EIF3H: variants seen among roughly 807,000 people sequenced by gnomAD.
EIF3H encodes the protein eIF-3-gamma.
In EIF3H, 26 loss-of-function variants were observed where a neutral mutation model predicts 44.2. The ratio of observed to expected loss-of-function variants is 0.59; its 90% confidence interval spans 0.43 to 0.82. The LOEUF is 0.82. EIF3H is among the 40% of genes least tolerant of loss of function. EIF3H has a pLI of 0.00. For synonymous variants in EIF3H, 166 were observed against 151.9 expected, an observed-to-expected ratio of 1.09 and a Z score of -0.68; for missense variants, 359 against 432.8, an observed-to-expected ratio of 0.83 and a Z score of 1.51.
chr8:116,721,193 T>G (rs907841264), intron 2 of EIF3H, among the ~76,000 whole-genome samples: 3 of 152,130 alleles, frequency 2.0e-5, no homozygotes, highest in African/African-American at 7.2e-5. Context: ...TCCTAGCCAC[T>G]CTAGCCATGG....
intron 2 of EIF3H, among the ~76,000 whole-genome samples, chr8:116,715,696 T>C (rs1165468360): frequency 6.6e-6 from 1 of 152,128 alleles, no homozygotes; most frequent in Non-Finnish European, 1.5e-5. Flanking sequence ...TTATTGAATC[T>C]GTGTTTAATT....
chr8:116,728,547 A>C (rs1219703923), intron 1 of EIF3H, among the ~76,000 whole-genome samples: 1 of 152,162 alleles, frequency 6.6e-6, no homozygotes, highest in Non-Finnish European at 1.5e-5. Flanking sequence ...TAGACCCAAA[A>C]AGACTACACC....
upstream of EIF3H, chr8:116,755,883 G>A (rs1190293793): frequency 5.1e-6 from 8 of 1,579,894 alleles, no homozygotes; most frequent in Non-Finnish European, 6.8e-6. Flanking sequence ...GCAGGCCGGC[G>A]TTCGAGGGGC....
In EIF3H at chr8:116,755,789, G is replaced by T; in HGVS notation, c.9C>A (p.Ser3=). The change falls in exon 1 of 8, where the codon TCC becomes TCA. Residue 3 remains serine, a synonymous_variant. Coordinates refer to ENST00000521861, the MANE Select transcript of EIF3H (RefSeq NM_003756.3). MA[S]RKEGTGSTAT... is the part of the protein sequence containing the mutation. ...CAGTAGAGCCGGTACCTTCCTTGCG[G>T]GACGCCATCTTTCCAAGCAGACAGG... 6.2e-7 allele frequency: 1 copy of T among 1,613,650 alleles called. No homozygotes were observed. The highest frequency in any genetic ancestry group is 8.5e-7 in the Non-Finnish European group (1 of 1,180,024).
chr8:116,755,957 T>C, upstream of EIF3H: 1 of 1,536,506 alleles, frequency 6.5e-7, no homozygotes, highest in East Asian at 2.4e-5. Context: ...TTTACCTTCT[T>C]TCCAGGCGGT....
chr8:116,645,599 G>C (rs1015272468), intron 7 of EIF3H, among the ~76,000 whole-genome samples: 1 of 152,160 alleles, frequency 6.6e-6, no homozygotes, highest in Non-Finnish European at 1.5e-5. Flanking sequence ...TTGAAGAAAG[G>C]GCTCCATCAT....
At chr8:116,701,976 G>C (rs1438772325) in intron 2 of EIF3H, among the ~76,000 whole-genome samples, 1 of 152,042 alleles carries the variant, frequency 6.6e-6, no homozygotes, top group Non-Finnish European at 1.5e-5. Flanking sequence ...AATGGTCTTT[G>C]CAAGTTCTGT....
chr8:116,695,490 G>GT lies in EIF3H; in HGVS notation c.289+30525dup, dbSNP rs527373946. On this transcript the variant is annotated intron_variant, in intron 2 of 7. Transcript: ENST00000521861. ...CAGAGCAGTGTTGCAGCCCAACCAGGTAAGTAGGGTATCAAAGTAGGAGGC... is the reference window on the plus strand; with the variant it reads ...CAGAGCAGTGTTGCAGCCCAACCAGGTTAAGTAGGGTATCAAAGTAGGAGGC... Among the ~76,000 whole-genome samples, 44 of 152,300 alleles carry GT rather than the reference G, an allele frequency of 2.9e-4. No individual in the cohort carries two copies. The South Asian group carries it at 9.1e-3, about 32-fold the overall frequency.
chr8:116,700,389 T>A (rs1352601133), intron 2 of EIF3H, among the ~76,000 whole-genome samples: 2 of 152,214 alleles, frequency 1.3e-5, no homozygotes, highest in African/African-American at 2.4e-5. Flanking sequence ...TCTTCAAACA[T>A]TATAAGATTT....
chr8:116,670,545 T>G (rs1472302909), intron 2 of EIF3H, among the ~76,000 whole-genome samples: 1 of 152,212 alleles, frequency 6.6e-6, no homozygotes, highest in Non-Finnish European at 1.5e-5. Context: ...CTAACTACTC[T>G]GTGATCCAGA....
At chr8:116,663,407 C>T (rs1255353998) in intron 2 of EIF3H, among the ~76,000 whole-genome samples, 1 of 152,174 alleles carries the variant, frequency 6.6e-6, no homozygotes, top group African/African-American at 2.4e-5. Context: ...GAAGTCAAAA[C>T]AGCAATTTCA....
At chr8:116,682,043 G>A (rs1025153667) in intron 2 of EIF3H, among the ~76,000 whole-genome samples, 1 of 152,192 alleles carries the variant, frequency 6.6e-6, no homozygotes, top group Admixed American at 6.5e-5. Flanking sequence ...GAATCCAGGA[G>A]ACAGAAAATC....
At chr8:116,651,984 T>C (rs1426888333) in intron 5 of EIF3H, among the ~76,000 whole-genome samples, 1 of 152,126 alleles carries the variant, frequency 6.6e-6, no homozygotes, top group Admixed American at 6.5e-5. Flanking sequence ...GTGAGGAAGC[T>C]GTGAAAGTAA....
At chr8:116,732,667 TC>T (rs1409859957) in intron 1 of EIF3H, among the ~76,000 whole-genome samples, 2 of 152,032 alleles carry the variant, frequency 1.3e-5, no homozygotes, top group African/African-American at 4.8e-5. Flanking sequence ...ATTCATTCAT[TC>T]ATTCATTCAT....
At chr8:116,735,971 C>T (rs1356713575) in intron 1 of EIF3H, among the ~76,000 whole-genome samples, 3 of 152,124 alleles carry the variant, frequency 2.0e-5, no homozygotes, top group South Asian at 2.1e-4. Flanking sequence ...AAAAGCTTCA[C>T]ATTTTGGAAC....
intron 1 of EIF3H, chr8:116,737,237 C>G (rs533034648): frequency 9.0e-6 from 4 of 446,692 alleles, no homozygotes; most frequent in East Asian, 7.0e-5. Context: ...ATCTACGAAC[C>G]TCTTAAAATC....
intron 2 of EIF3H, among the ~76,000 whole-genome samples, chr8:116,708,945 T>A (rs1029747653): frequency 6.6e-6 from 1 of 151,950 alleles, no homozygotes; most frequent in Non-Finnish European, 1.5e-5. Context: ...TTTGCCTAGC[T>A]GTTGAACTTG....
intron 2 of EIF3H, among the ~76,000 whole-genome samples, chr8:116,669,985 C>T (rs551580792): frequency 1.4e-4 from 22 of 152,218 alleles, no homozygotes; most frequent in African/African-American, 4.6e-4. Context: ...AAGCAGAAAC[C>T]TTCATGGCAG....
chr8:116,724,230 G>A (rs536816544), intron 2 of EIF3H, among the ~76,000 whole-genome samples: 1 of 152,282 alleles, frequency 6.6e-6, no homozygotes, highest in East Asian at 1.9e-4. Context: ...TCAACAGATG[G>A]TGCTAGGAAA....
Sources: allele counts gnomAD v4.1 joint callset (sites outside exome capture counted in the v4.1 genomes callset), GRCh38; gene constraint gnomAD v4.1.1; transcripts MANE v1.5; gene names NCBI Gene and HGNC (gene_info 2026-07-23, HGNC 2026-07-21).